The following ARHGEF4 variants were observed in gnomAD, a reference collection of about 807,000 sequenced individuals.
The protein encoded by ARHGEF4 is APC-stimulated guanine nucleotide exchange factor 1.
In ARHGEF4, 119 loss-of-function variants were observed where a neutral mutation model predicts 162.0. That is an observed-to-expected ratio of 0.73 (90% confidence interval 0.63 to 0.86). The LOEUF (loss-of-function observed/expected upper bound fraction) is 0.86, where lower values mean the gene tolerates loss of function less well. Ranked by LOEUF, ARHGEF4 falls within the 40% of genes least tolerant of loss-of-function variation. The pLI is 0.00. For synonymous variants in ARHGEF4, 1,014 were observed against 979.9 expected (o/e 1.03, Z -0.65); for missense variants, 2,488 against 2,456.0 (o/e 1.01, Z -0.28).
intron 1 of ARHGEF4, among the ~76,000 whole-genome samples, chr2:130,849,027 GGA>G (rs138202118): frequency 0.12 from 17,793 of 152,070 alleles, 1,251 homozygotes; most frequent in East Asian, 0.25. Context: ...TGGCAGAGGA[GGA>G]GAGGACAGCT....
intron 1 of ARHGEF4, among the ~76,000 whole-genome samples, chr2:130,904,076 T>C (rs1680671980): frequency 6.6e-6 from 1 of 152,232 alleles, no homozygotes; most frequent in African/African-American, 2.4e-5. Flanking sequence ...CTATTTTTAG[T>C]TGTTTGAGAA....
At chr2:131,039,140 C>G in intron 6 of ARHGEF4, 108 bp downstream of exon 6, 1 of 1,376,788 alleles carries the variant, frequency 7.3e-7, no homozygotes, top group Non-Finnish European at 9.6e-7. Context: ...GTGCAGAGCA[C>G]TGGGTGGTGG....
At chr2:131,000,193 A>G (rs551672290) in intron 4 of ARHGEF4, among the ~76,000 whole-genome samples, 1 of 152,370 alleles carries the variant, frequency 6.6e-6, no homozygotes, top group African/African-American at 2.4e-5. Flanking sequence ...TTCAGCCTTC[A>G]TTATAATGTC....
At chr2:130,963,993 GC>G in intron 4 of ARHGEF4, 2 of 76,914 alleles carry the variant, frequency 2.6e-5, no homozygotes, top group South Asian at 3.9e-4. Context: ...CCGCACCGCC[GC>G]CCCCGGCCCA....
chr2:131,030,023 G>C (rs1181421345), intron 5 of ARHGEF4, among the ~76,000 whole-genome samples: 1 of 152,224 alleles, frequency 6.6e-6, no homozygotes, highest in African/African-American at 2.4e-5. Flanking sequence ...GTGCAGGGCT[G>C]ATGGTAACTG....
At chr2:130,871,582 C>CAT (rs1399176339) in intron 1 of ARHGEF4, among the ~76,000 whole-genome samples, 5 of 131,118 alleles carry the variant, frequency 3.8e-5, no homozygotes, top group African/African-American at 1.5e-4. Flanking sequence ...TATATACATA[C>CAT]ATATATATAT....
intron 1 of ARHGEF4, among the ~76,000 whole-genome samples, chr2:130,901,294 G>T (rs1680473665): frequency 6.6e-6 from 1 of 152,126 alleles, no homozygotes; most frequent in Non-Finnish European, 1.5e-5. Flanking sequence ...GCGTTGGCTT[G>T]CCTGAGTTGT....
At chr2:130,880,565 C>T (rs758334607) in intron 1 of ARHGEF4, among the ~76,000 whole-genome samples, 19 of 152,276 alleles carry the variant, frequency 1.2e-4, no homozygotes, top group Non-Finnish European at 2.5e-4. Context: ...AAAAGGGCTT[C>T]GGTCCGTCAC....
chr2:130,855,623 G>T (rs999280237), intron 1 of ARHGEF4, among the ~76,000 whole-genome samples: 1 of 152,126 alleles, frequency 6.6e-6, no homozygotes, highest in Non-Finnish European at 1.5e-5. Flanking sequence ...ATGCATACTT[G>T]CATGACTGAA....
At chr2:130,841,389 TAC>T (rs1558993920) in intron 1 of ARHGEF4, among the ~76,000 whole-genome samples, 7 of 150,012 alleles carry the variant, frequency 4.7e-5, no homozygotes, top group Non-Finnish European at 4.4e-5. Flanking sequence ...TTTTTTTTTT[TAC>T]ATTTCTATTA....
chr2:130,948,522 C>T (rs772765557), intron 4 of ARHGEF4, among the ~76,000 whole-genome samples: 86 of 152,346 alleles, frequency 5.6e-4, no homozygotes, highest in African/African-American at 1.9e-3. Context: ...CCTTTCAAGT[C>T]AGTACCTCCT....
intron 1 of ARHGEF4, among the ~76,000 whole-genome samples, chr2:130,881,122 T>C: frequency 6.6e-6 from 1 of 152,102 alleles, no homozygotes; most frequent in East Asian, 1.9e-4. Flanking sequence ...AACCTCTGCC[T>C]CCCGAGTTCA....
chr2:130,950,814 A>G (rs1433917256), intron 4 of ARHGEF4, among the ~76,000 whole-genome samples: 5 of 151,832 alleles, frequency 3.3e-5, no homozygotes, highest in Admixed American at 1.3e-4. Context: ...ACTTATAATA[A>G]TGTTTTCAAG....
intron 3 of ARHGEF4, among the ~76,000 whole-genome samples, chr2:130,935,915 A>G (rs796550363): frequency 1.3e-5 from 2 of 152,298 alleles, no homozygotes; most frequent in African/African-American, 4.8e-5. Flanking sequence ...AAAATACAAA[A>G]TCAGCTGGGC....
rs114861554 is a variant in ARHGEF4 at position 130,882,150 on chromosome 2, T to C, written c.40-31836T>C. On this transcript the variant is annotated intron_variant, in intron 1 of 13. Transcript: ENST00000409359. ...TATTCTCAGCTCCTTTCACAAAAGGTAGGGGCTGTTTGTTTGTTCGTCTTT... is the reference window on the plus strand; with the variant it reads ...TATTCTCAGCTCCTTTCACAAAAGGCAGGGGCTGTTTGTTTGTTCGTCTTT... 1.4e-4 allele frequency among the ~76,000 whole-genome samples: 22 copies of C among 152,204 alleles called. 1 individual carries two copies. The highest frequency in any genetic ancestry group is 5.3e-4 in the African/African-American group (22 of 41,472).
intron 4 of ARHGEF4, among the ~76,000 whole-genome samples, chr2:130,973,176 G>T (rs1685477371): frequency 6.6e-6 from 1 of 152,212 alleles, no homozygotes; most frequent in Non-Finnish European, 1.5e-5. Flanking sequence ...AAGTAAAGTT[G>T]CAATCAAGTT....
At chr2:130,942,996 T>C (rs1236437584) in intron 3 of ARHGEF4, among the ~76,000 whole-genome samples, 1 of 152,192 alleles carries the variant, frequency 6.6e-6, no homozygotes, top group Non-Finnish European at 1.5e-5. Flanking sequence ...TATTACCTTG[T>C]TTTTGTTTAT....
chr2:131,035,287 G>A, intron 5 of ARHGEF4: 1 of 1,210,156 alleles, frequency 8.3e-7, no homozygotes, highest in Non-Finnish European at 1.0e-6. Context: ...CGCCGCGCCG[G>A]GGTGAGTGGC....
chr2:131,026,774 C>A (rs1689499176), intron 4 of ARHGEF4, among the ~76,000 whole-genome samples: 1 of 152,152 alleles, frequency 6.6e-6, no homozygotes, highest in Non-Finnish European at 1.5e-5. Flanking sequence ...AGGGATGGAA[C>A]ATTCTTGCGC....
Sources: allele counts gnomAD v4.1 joint callset (sites outside exome capture counted in the v4.1 genomes callset), GRCh38; gene constraint gnomAD v4.1.1; transcripts MANE v1.5; gene names NCBI Gene and HGNC (gene_info 2026-07-23, HGNC 2026-07-21).